RNF169: variants seen among roughly 807,000 people sequenced by gnomAD.
The protein encoded by RNF169 is ring finger protein 169.
A neutral mutation model predicts 53.9 loss-of-function variants in RNF169; 24 were observed. The ratio of observed to expected loss-of-function variants is 0.45; its 90% CI spans 0.32 to 0.63. RNF169 has a LOEUF of 0.63. Among genes scored for constraint, RNF169 ranks in the 20% least tolerant of loss-of-function variants. RNF169 has a pLI of 0.04. For synonymous variants in RNF169, 396 were observed against 363.5 expected, an observed-to-expected ratio of 1.09 and a Z score of -1.02; for missense variants, 883 against 906.2, an observed-to-expected ratio of 0.97 and a Z score of 0.33.
intron 1 of RNF169, among the ~76,000 whole-genome samples, chr11:74,768,010 A>G (rs951914507): frequency 6.6e-6 from 1 of 152,182 alleles, no homozygotes; most frequent in Non-Finnish European, 1.5e-5. Context: ...GAATTTATCA[A>G]TAAGGATGAT....
intron 1 of RNF169, among the ~76,000 whole-genome samples, chr11:74,779,534 T>C (rs923329151): frequency 1.3e-5 from 2 of 152,220 alleles, no homozygotes; most frequent in African/African-American, 4.8e-5. Context: ...TACTTGGCTA[T>C]CATCTATATT....
intron 1 of RNF169, among the ~76,000 whole-genome samples, chr11:74,774,295 G>A (rs1187217168): frequency 4.0e-5 from 6 of 150,790 alleles, no homozygotes; most frequent in African/African-American, 1.2e-4. Context: ...GCAGTGAGCC[G>A]AGATGACACT....
At chr11:74,790,174 G>A (rs2035560035) in intron 2 of RNF169, among the ~76,000 whole-genome samples, 1 of 152,142 alleles carries the variant, frequency 6.6e-6, no homozygotes, top group African/African-American at 2.4e-5. Flanking sequence ...CATTGGGAAA[G>A]CTTTTATCTG....
At chr11:74,830,593 C>G (rs1208653170) in intron 4 of RNF169, 2 of 151,368 alleles carry the variant, frequency 1.3e-5, no homozygotes, top group African/African-American at 4.8e-5. Flanking sequence ...AGTGGCTTCA[C>G]TGGTGATTCT....
At chr11:74,810,152 AACT>A (rs749053419) in intron 2 of RNF169, 29 bp from the exon 3 acceptor site, 52 of 1,583,930 alleles carry the variant, frequency 3.3e-5, no homozygotes, top group Non-Finnish European at 4.3e-5. Context: ...AGTTGCCTAA[AACT>A]ACTGTGTTTG....
chr11:74,817,395 C>T (rs1257170969), intron 3 of RNF169, among the ~76,000 whole-genome samples: 1 of 152,082 alleles, frequency 6.6e-6, no homozygotes, highest in Non-Finnish European at 1.5e-5. Flanking sequence ...ATGGGGCTTA[C>T]AGAAGAGAAA....
In RNF169 at chr11:74,825,153, G is replaced by T. The variant is rs530258289; in HGVS notation, c.842+7439G>T. On this transcript the variant is annotated intron_variant, in intron 4 of 5. Coordinates refer to ENST00000299563, the MANE Select transcript of RNF169 (RefSeq NM_001098638.2). ...GATAAAAGGATCAACTCAACAAGAA[G>T]AATTCTTCTCAAGTGCACATGGAAC... Among the ~76,000 whole-genome samples, 146 of 151,568 alleles carry T rather than the reference G, an allele frequency of 9.6e-4. 3 individuals carry two copies. The highest frequency in any genetic ancestry group is 3.1e-4 in the Non-Finnish European group (21 of 67,864).
At chr11:74,810,376 G>C in intron 3 of RNF169, 46 bp downstream of exon 3, 1 of 1,582,256 alleles carries the variant, frequency 6.3e-7, no homozygotes. Flanking sequence ...AAAAATCAGT[G>C]GTTAGCCCAG....
intron 4 of RNF169, among the ~76,000 whole-genome samples, chr11:74,819,315 C>A (rs1017535248): frequency 2.6e-5 from 4 of 152,166 alleles, no homozygotes; most frequent in African/African-American, 9.7e-5. Context: ...AGAGAGAGAA[C>A]ATGGCTTGCC....
At chr11:74,769,566 G>T (rs1426948441) in intron 1 of RNF169, among the ~76,000 whole-genome samples, 1 of 152,164 alleles carries the variant, frequency 6.6e-6, no homozygotes, top group African/African-American at 2.4e-5. Flanking sequence ...AGAAAATGTA[G>T]TAACAGTTGT....
At chr11:74,802,087 TTTAGTA>T (rs1347230667) in intron 2 of RNF169, among the ~76,000 whole-genome samples, 1 of 152,206 alleles carries the variant, frequency 6.6e-6, no homozygotes, top group Non-Finnish European at 1.5e-5. Context: ...AAATTATTTC[TTTAGTA>T]TACTATTATT....
chr11:74,750,709 G>A (rs866737967), intron 1 of RNF169, among the ~76,000 whole-genome samples: 38 of 144,574 alleles, frequency 2.6e-4, no homozygotes, highest in African/African-American at 9.5e-4. Context: ...AGGTTCAAGC[G>A]ATTCTCCTGC....
chr11:74,829,155 A>G (rs1231183950), intron 4 of RNF169, among the ~76,000 whole-genome samples: 2 of 152,200 alleles, frequency 1.3e-5, no homozygotes, highest in Admixed American at 6.5e-5. Flanking sequence ...CAAGAAAACA[A>G]AAGCCACCCC....
At chr11:74,756,985 G>A (rs1178533742) in intron 1 of RNF169, among the ~76,000 whole-genome samples, 1 of 146,422 alleles carries the variant, frequency 6.8e-6, no homozygotes, top group Non-Finnish European at 1.5e-5. Context: ...ATAAAGAACG[G>A]CAATTCTTTT....
chr11:74,838,633 A>G lies in RNF169; in HGVS notation c.*1903A>G, dbSNP rs1266813172. ...CTGTGTTCTCTGTGTGTGTGCACAT[A>G]TGCAGATGTATGTTTTAAAAACATT... On this transcript the variant is annotated 3_prime_UTR_variant, in exon 6 of 6. Transcript: ENST00000299563. 6.6e-6 allele frequency: 1 copy of G among 152,244 alleles called. No homozygotes were observed. Among genetic ancestry groups the G allele is most frequent in the Non-Finnish European group, 1.5e-5 (1 of 68,046 alleles). The allele number at this position is 152,244 out of a possible 1,614,324, so 9.4% of individuals were successfully genotyped here. A position where few individuals can be genotyped will look rare whatever the true frequency, so the allele number is the denominator to read the frequency against.
At chr11:74,801,956 C>T (rs1051104374) in intron 2 of RNF169, among the ~76,000 whole-genome samples, 4 of 152,156 alleles carry the variant, frequency 2.6e-5, no homozygotes, top group Non-Finnish European at 5.9e-5. Context: ...GTAAAATGTT[C>T]ATAACTCATA....
At chr11:74,793,011 A>T (rs993687576) in intron 2 of RNF169, among the ~76,000 whole-genome samples, 2 of 152,242 alleles carry the variant, frequency 1.3e-5, no homozygotes, top group African/African-American at 4.8e-5. Flanking sequence ...AAAAGGCACT[A>T]GTATGGCATA....
intron 2 of RNF169, 42 bp from the exon 3 acceptor site, chr11:74,810,142 A>C: frequency 3.2e-6 from 5 of 1,542,546 alleles, no homozygotes; most frequent in Non-Finnish European, 4.4e-6. Context: ...TTAAGTTTAG[A>C]GTTGCCTAAA....
intron 2 of RNF169, among the ~76,000 whole-genome samples, chr11:74,797,700 G>T (rs1490817119): frequency 2.0e-5 from 3 of 152,132 alleles, no homozygotes; most frequent in Non-Finnish European, 4.4e-5. Flanking sequence ...GATTTCTGGG[G>T]ATTTGGCTGG....
Sources: allele counts gnomAD v4.1 joint callset (sites outside exome capture counted in the v4.1 genomes callset), GRCh38; gene constraint gnomAD v4.1.1; transcripts MANE v1.5; gene names NCBI Gene and HGNC (gene_info 2026-07-23, HGNC 2026-07-21).